Variants in RALGPS1 observed in about 807,000 individuals in gnomAD.
The protein encoded by RALGPS1 is Ral GEF with PH domain and SH3 binding motif 1, also known as ras-specific guanine nucleotide-releasing factor RalGPS1.
Under a neutral mutation model 78.8 loss-of-function variants are expected in RALGPS1, and 19 were observed. The observed-to-expected ratio is 0.24, with a 90% confidence interval of 0.17 to 0.35. The LOEUF is 0.35. Among genes scored for constraint, RALGPS1 ranks in the 10% least tolerant of loss-of-function variants. The pLI is 1.00. For synonymous variants in RALGPS1, 228 were observed against 256.3 expected, an observed-to-expected ratio of 0.89 and a Z score of 1.06; for missense variants, 454 against 688.3, an observed-to-expected ratio of 0.66 and a Z score of 3.81.
intron 4 of RALGPS1, among the ~76,000 whole-genome samples, chr9:127,002,787 T>C (rs531132654): frequency 6.6e-6 from 1 of 152,280 alleles, no homozygotes; most frequent in African/African-American, 2.4e-5. Flanking sequence ...CATCATTTTT[T>C]ATGACTGCAT....
intron 8 of RALGPS1, chr9:127,089,164 G>T: frequency 1.2e-6 from 2 of 1,612,484 alleles, no homozygotes; most frequent in Non-Finnish European, 1.7e-6. Context: ...CAGTGAGAGG[G>T]TGTCTGGGAG....
At chr9:127,039,559 C>T (rs2047119945) in intron 5 of RALGPS1, among the ~76,000 whole-genome samples, 1 of 151,826 alleles carries the variant, frequency 6.6e-6, no homozygotes, top group African/African-American at 2.4e-5. Flanking sequence ...GTGAGCAGAT[C>T]CTTAAGGATG....
intron 10 of RALGPS1, among the ~76,000 whole-genome samples, chr9:127,170,438 A>G (rs1303893836): frequency 6.6e-6 from 1 of 152,224 alleles, no homozygotes; most frequent in Non-Finnish European, 1.5e-5. Flanking sequence ...GTTAAACTAT[A>G]ATAAGAAATT....
chr9:127,208,785 C>T (rs898411414), intron 14 of RALGPS1, among the ~76,000 whole-genome samples: 2 of 152,208 alleles, frequency 1.3e-5, no homozygotes, highest in Non-Finnish European at 2.9e-5. Flanking sequence ...TCGTTTCAAG[C>T]TCTCCATCAA....
chr9:127,137,562 C>G (rs908324236), intron 8 of RALGPS1, among the ~76,000 whole-genome samples: 4 of 152,246 alleles, frequency 2.6e-5, no homozygotes, highest in Non-Finnish European at 5.9e-5. Flanking sequence ...CAGCTGCAGC[C>G]TTTGGTCCCA....
intron 4 of RALGPS1, among the ~76,000 whole-genome samples, chr9:126,985,320 C>T (rs560200610): frequency 6.6e-6 from 1 of 152,312 alleles, no homozygotes; most frequent in South Asian, 2.1e-4. Flanking sequence ...CCAAAGCCAA[C>T]CTGGCAGAGC....
intron 5 of RALGPS1, among the ~76,000 whole-genome samples, chr9:127,046,234 T>A (rs2047761703): frequency 6.6e-6 from 1 of 152,222 alleles, no homozygotes; most frequent in Non-Finnish European, 1.5e-5. Flanking sequence ...TTTCAAATAA[T>A]CTATGTAGAT....
chr9:126,972,673 C>G (rs889943794), intron 3 of RALGPS1, among the ~76,000 whole-genome samples: 1 of 152,164 alleles, frequency 6.6e-6, no homozygotes, highest in Non-Finnish European at 1.5e-5. Flanking sequence ...TGACCTGTTC[C>G]ATAAGTGTGG....
chr9:126,954,084 GTTC>G (rs564085393), intron 1 of RALGPS1, among the ~76,000 whole-genome samples: 47 of 152,282 alleles, frequency 3.1e-4, no homozygotes, highest in Non-Finnish European at 5.7e-4. Flanking sequence ...CAGCTCAGTG[GTTC>G]TTCTCAGCGA....
rs2062738381 is a variant in RALGPS1, at chr9:127,220,261, C to G, written c.*1492C>G. 1 of 152,162 alleles carries G rather than the reference C, an allele frequency of 6.6e-6. No homozygotes were observed. Among genetic ancestry groups the G allele is most frequent in the Non-Finnish European group, 1.5e-5 (1 of 68,036 alleles). 9.4% of individuals were successfully genotyped at this position (152,162 alleles called of 1,614,324 possible). A position where few individuals can be genotyped will look rare whatever the true frequency, so the allele number is the denominator to read the frequency against. ...GACTGATCAGGCATCAAGCTACCCT[C>G]AAGAGTTTCTGGGCTGGATGTTTCA... On this transcript the variant is annotated 3_prime_UTR_variant, in exon 19 of 19. Transcript: ENST00000259351.
rs1163922320 is a variant in RALGPS1 at position 127,218,231 on chromosome 9, A to C, written c.1645-509A>C. Among the ~76,000 whole-genome samples, 1 of 152,154 alleles carries C rather than the reference A, an allele frequency of 6.6e-6. No homozygotes were observed. Among genetic ancestry groups the C allele is most frequent in the Admixed American group, 6.5e-5 (1 of 15,280 alleles). On this transcript the variant is annotated intron_variant, in intron 18 of 18. Coordinates refer to ENST00000259351, the MANE Select transcript of RALGPS1 (RefSeq NM_014636.3). The surrounding 1 kb of genome is among the most constrained non-coding windows in gnomAD (Gnocchi z 4.4). The stretch of plus-strand genomic sequence containing the variant: ...GGGTCTAGGATCTTGTCCTGAGGGC[A>C]GAGCTGTGGGAAGGTCTTGGGGTTT...
rs946897970 is a variant in RALGPS1, at chr9:127,180,755, G to A, written c.910+5973G>A. On this transcript the variant is annotated intron_variant, in intron 11 of 18. Coordinates refer to ENST00000259351, the MANE Select transcript of RALGPS1 (RefSeq NM_014636.3). Reference sequence around the variant, plus strand: ...CTCACGAGCCACCCCAGAACCTAAGGGCATGAAACAACCATTTTATTACAT... The same window carrying A: ...CTCACGAGCCACCCCAGAACCTAAGAGCATGAAACAACCATTTTATTACAT... Among the ~76,000 whole-genome samples the A allele has an allele frequency of 2.6e-4, 39 of 152,306 alleles. 1 individual carries two copies. Among genetic ancestry groups the A allele is most frequent in the Admixed American group, 2.1e-3 (32 of 15,302 alleles).
chr9:126,929,089 T>C (rs1001709129), intron 1 of RALGPS1, among the ~76,000 whole-genome samples: 9 of 152,226 alleles, frequency 5.9e-5, no homozygotes, highest in African/African-American at 1.7e-4. Context: ...GTGATGATAA[T>C]GGTGATGACC....
chr9:127,044,832 A>T (rs2047613294), intron 5 of RALGPS1, among the ~76,000 whole-genome samples: 1 of 152,182 alleles, frequency 6.6e-6, no homozygotes, highest in Non-Finnish European at 1.5e-5. Flanking sequence ...GCCAGTCTTG[A>T]AAGGTTGCAT....
intron 8 of RALGPS1, among the ~76,000 whole-genome samples, chr9:127,074,397 G>T (rs2050497846): frequency 2.6e-5 from 4 of 152,086 alleles, no homozygotes; most frequent in Admixed American, 2.6e-4. Context: ...AAACTGCAGT[G>T]TCTTTCTACT....
At chr9:127,137,575 A>T (rs1263532269) in intron 8 of RALGPS1, among the ~76,000 whole-genome samples, 1 of 152,212 alleles carries the variant, frequency 6.6e-6, no homozygotes, top group Non-Finnish European at 1.5e-5. Flanking sequence ...TGGTCCCATG[A>T]GCCATTTCAG....
chr9:127,148,941 C>G (rs184027959), intron 8 of RALGPS1, among the ~76,000 whole-genome samples: 173 of 152,344 alleles, frequency 1.1e-3, no homozygotes, highest in Admixed American at 3.1e-3. Context: ...GGGCTTGCCA[C>G]TTTCTACTAA....
rs759354955 is a variant in RALGPS1, at chr9:127,107,412, G to A, written c.610+38056G>A. Among the ~76,000 whole-genome samples the A allele has an allele frequency of 7.6e-4, 116 of 152,344 alleles. 1 individual carries two copies. Among genetic ancestry groups the A allele is most frequent in the Middle Eastern group, 3.4e-3 (1 of 294 alleles). ...TAGACAGCAGCAGACTCTAGGAAGT[G>A]TGTGGGCTTTAGGAAGGACTCCTTC... On this transcript the variant is annotated intron_variant, in intron 8 of 18. Transcript: ENST00000259351.
intron 11 of RALGPS1, among the ~76,000 whole-genome samples, chr9:127,178,790 G>A (rs1161987351): frequency 6.6e-6 from 1 of 152,242 alleles, no homozygotes; most frequent in African/African-American, 2.4e-5. Flanking sequence ...TGCAGAGCGT[G>A]AACTATTTAC....
Sources: allele counts gnomAD v4.1 joint callset (sites outside exome capture counted in the v4.1 genomes callset), GRCh38; gene constraint gnomAD v4.1.1; non-coding constraint Gnocchi (gnomAD v3.1); transcripts MANE v1.5; gene names NCBI Gene and HGNC (gene_info 2026-07-23, HGNC 2026-07-21).